The following PPP1R9A variants were observed in gnomAD, a reference collection of about 807,000 sequenced individuals.
The protein encoded by PPP1R9A is protein phosphatase 1 regulatory subunit 9A, also known as neurabin-1.
PPP1R9A carries 59 observed loss-of-function variants against 141.9 expected under a neutral mutation model. That is an observed-to-expected ratio of 0.42 (90% CI 0.34 to 0.52). The LOEUF is 0.52. Among genes scored for constraint, PPP1R9A ranks in the 20% least tolerant of loss-of-function variants. The pLI is 0.10. For missense variants in PPP1R9A, 1,444 were observed against 1,611.9 expected (o/e 0.90, Z 1.78); for synonymous variants, 500 against 569.7 (o/e 0.88, Z 1.74).
chr7:94,942,009 T>C (rs1278387873), intron 2 of PPP1R9A, among the ~76,000 whole-genome samples: 1 of 152,090 alleles, frequency 6.6e-6, no homozygotes, highest in African/African-American at 2.4e-5. Flanking sequence ...ACATGAAATA[T>C]ATATATGAAG....
At chr7:95,023,186 T>G (rs1258221126) in intron 2 of PPP1R9A, among the ~76,000 whole-genome samples, 1 of 152,236 alleles carries the variant, frequency 6.6e-6, no homozygotes, top group African/African-American at 2.4e-5. Context: ...GTGATTCGAA[T>G]TCTTCCTTGT....
At position 95,200,516 on chromosome 7, in the gene PPP1R9A, G is replaced by A. The variant is rs144180089; in HGVS notation, c.1890+2032G>A. On this transcript the variant is annotated intron_variant, in intron 6 of 19. Transcript: ENST00000433360. ...GCCTGTCTTGAACTCCTGGCCTCAA[G>A]CAGTCCTCCTGCCTCAGCCTTCCAA... 2.4e-3 allele frequency among the ~76,000 whole-genome samples: 363 copies of A among 152,102 alleles called. 1 individual carries two copies. Among genetic ancestry groups the A allele is most frequent in the African/African-American group, 8.1e-3 (335 of 41,496 alleles).
chr7:95,202,660 T>G (rs983743316), intron 6 of PPP1R9A: 54 of 830,884 alleles, frequency 6.5e-5, no homozygotes, highest in Non-Finnish European at 7.7e-5. Flanking sequence ...AACTAGAATT[T>G]AACTTTTTAG....
chr7:95,068,967 A>G (rs554865123), intron 2 of PPP1R9A, among the ~76,000 whole-genome samples: 7 of 152,340 alleles, frequency 4.6e-5, no homozygotes, highest in East Asian at 3.9e-4. Context: ...TACCCAAATC[A>G]GTCTCCTAAA....
chr7:95,205,840 C>T, intron 7 of PPP1R9A, among the ~76,000 whole-genome samples: 1 of 152,144 alleles, frequency 6.6e-6, no homozygotes, highest in South Asian at 2.1e-4. Flanking sequence ...CCTGTAATCT[C>T]TTCAATGACA....
At chr7:95,029,458 A>C (rs897566960) in intron 2 of PPP1R9A, among the ~76,000 whole-genome samples, 1 of 152,226 alleles carries the variant, frequency 6.6e-6, no homozygotes, top group African/African-American at 2.4e-5. Context: ...TCCAGGCAAT[A>C]GCTTATGATG....
At chr7:95,018,840 G>C (rs1208378211) in intron 2 of PPP1R9A, among the ~76,000 whole-genome samples, 1 of 152,074 alleles carries the variant, frequency 6.6e-6, no homozygotes, top group African/African-American at 2.4e-5. Flanking sequence ...CTCTGATTCA[G>C]GTGTCTTGGG....
At chr7:94,918,682 A>C (rs997330592) in intron 2 of PPP1R9A, among the ~76,000 whole-genome samples, 1 of 152,118 alleles carries the variant, frequency 6.6e-6, no homozygotes, top group African/African-American at 2.4e-5. Flanking sequence ...GAAAGCAGTA[A>C]TTGACTTGCT....
chr7:95,260,823 A>C (rs899921627), intron 12 of PPP1R9A, among the ~76,000 whole-genome samples: 1 of 152,184 alleles, frequency 6.6e-6, no homozygotes, highest in Non-Finnish European at 1.5e-5. Flanking sequence ...TAATAGAACA[A>C]GATACATTAT....
At chr7:95,020,146 T>C (rs919326982) in intron 2 of PPP1R9A, among the ~76,000 whole-genome samples, 22 of 152,272 alleles carry the variant, frequency 1.4e-4, no homozygotes, top group Middle Eastern at 3.4e-3. Flanking sequence ...TCTACTTATA[T>C]ACAGTTCTAG....
At chr7:95,217,074 G>T (rs977224511) in intron 7 of PPP1R9A, among the ~76,000 whole-genome samples, 13 of 152,004 alleles carry the variant, frequency 8.6e-5, no homozygotes, top group Non-Finnish European at 1.3e-4. Flanking sequence ...TTCCAGTTTT[G>T]GGCCATTCAG....
intron 2 of PPP1R9A, among the ~76,000 whole-genome samples, chr7:94,951,842 T>A (rs1482874481): frequency 2.6e-5 from 3 of 116,010 alleles, no homozygotes; most frequent in African/African-American, 1.0e-4. Flanking sequence ...CATTTAGGAC[T>A]TTTTTTTTTT....
At chr7:95,069,830 A>G (rs532161371) in intron 2 of PPP1R9A, among the ~76,000 whole-genome samples, 94 of 152,258 alleles carry the variant, frequency 6.2e-4, no homozygotes, top group African/African-American at 2.2e-3. Flanking sequence ...GTGAACCATT[A>G]CATCTTACTG....
At chr7:95,071,850 G>C (rs568473566) in intron 2 of PPP1R9A, among the ~76,000 whole-genome samples, 34 of 151,898 alleles carry the variant, frequency 2.2e-4, no homozygotes, top group African/African-American at 7.9e-4. Flanking sequence ...ATTACGATTT[G>C]AAATTGGATT....
intron 12 of PPP1R9A, among the ~76,000 whole-genome samples, chr7:95,265,577 A>G (rs1801169049): frequency 6.6e-6 from 1 of 152,172 alleles, no homozygotes; most frequent in Non-Finnish European, 1.5e-5. Flanking sequence ...TAATACTGTT[A>G]AGGGAGACAT....
chr7:95,076,947 A>T (rs935276790), intron 2 of PPP1R9A, among the ~76,000 whole-genome samples: 1 of 151,930 alleles, frequency 6.6e-6, no homozygotes, highest in African/African-American at 2.4e-5. Flanking sequence ...CTTTCTTTCC[A>T]ACGTTTATGC....
At chr7:94,954,018 G>C (rs905087382) in intron 2 of PPP1R9A, among the ~76,000 whole-genome samples, 6 of 152,202 alleles carry the variant, frequency 3.9e-5, no homozygotes, top group South Asian at 2.1e-4. Context: ...TGGTGAGAGA[G>C]GGCATCCTTG....
intron 2 of PPP1R9A, among the ~76,000 whole-genome samples, chr7:94,982,936 G>T (rs545355417): frequency 2.0e-5 from 3 of 152,130 alleles, no homozygotes; most frequent in Admixed American, 6.5e-5. Context: ...TTCTTCTAGG[G>T]TTTTTATGGT....
At chr7:95,133,513 TTATATATATATATA>T (rs10570222) in intron 4 of PPP1R9A, among the ~76,000 whole-genome samples, 8 of 132,682 alleles carry the variant, frequency 6.0e-5, no homozygotes, top group African/African-American at 1.1e-4. Flanking sequence ...TGCAGTCGTA[TTATATATATATATA>T]TATATATATA....
Sources: gnomAD v4.1 joint callset for allele counts (sites outside exome capture counted in the v4.1 genomes callset) on GRCh38, gnomAD v4.1.1 for gene constraint, MANE v1.5 for transcripts, NCBI Gene and HGNC (gene_info 2026-07-23, HGNC 2026-07-21) for gene names.